STXBP6: variants seen among roughly 807,000 people sequenced by gnomAD.
STXBP6 encodes the protein syntaxin binding protein 6.
STXBP6 carries 21 observed loss-of-function variants against 26.9 expected under a neutral mutation model. That is an observed-to-expected ratio of 0.78 (90% CI 0.55 to 1.12). STXBP6 has a LOEUF of 1.12. Ranked by LOEUF, STXBP6 falls within the 50% of genes most tolerant of loss-of-function variation. STXBP6 has a pLI of 0.00. For missense variants in STXBP6, 232 were observed against 257.9 expected, an observed-to-expected ratio of 0.90 and a Z score of 0.69; for synonymous variants, 97 against 92.6, an observed-to-expected ratio of 1.05 and a Z score of -0.27.
chr14:24,814,121 G>A (rs1387719804), intron 5 of STXBP6, among the ~76,000 whole-genome samples: 3 of 152,178 alleles, frequency 2.0e-5, no homozygotes, highest in African/African-American at 4.8e-5. Flanking sequence ...GGGAAGTTCC[G>A]AATGTGCCCA....
At chr14:24,850,993 T>C (rs1234231558) in intron 4 of STXBP6, among the ~76,000 whole-genome samples, 1 of 152,168 alleles carries the variant, frequency 6.6e-6, no homozygotes, top group Non-Finnish European at 1.5e-5. Context: ...GGTTCTAATA[T>C]AGAAATTGCC....
At chr14:24,960,965 T>C (rs2073516749) in intron 2 of STXBP6, among the ~76,000 whole-genome samples, 1 of 152,234 alleles carries the variant, frequency 6.6e-6, no homozygotes, top group South Asian at 2.1e-4. Context: ...TGCCTGACTG[T>C]AGTGATTCTG....
intron 2 of STXBP6, among the ~76,000 whole-genome samples, chr14:24,959,318 G>T (rs1008861852): frequency 1.4e-4 from 22 of 152,126 alleles, no homozygotes; most frequent in Non-Finnish European, 2.8e-4. Flanking sequence ...CAAGCATGGT[G>T]GTTTGCAAAG....
intron 1 of STXBP6, among the ~76,000 whole-genome samples, chr14:25,000,865 C>A (rs2074744485): frequency 6.6e-6 from 1 of 151,246 alleles, no homozygotes; most frequent in East Asian, 2.0e-4. Context: ...TAGATCTTAC[C>A]CTTTTTGTCC....
At chr14:24,948,827 C>T (rs2073075070) in intron 2 of STXBP6, among the ~76,000 whole-genome samples, 1 of 152,170 alleles carries the variant, frequency 6.6e-6, no homozygotes, top group South Asian at 2.1e-4. Context: ...AATAAAGACA[C>T]AATTAGTGTG....
intron 2 of STXBP6, among the ~76,000 whole-genome samples, chr14:24,925,059 A>T (rs953383790): frequency 2.0e-5 from 3 of 152,196 alleles, no homozygotes; most frequent in African/African-American, 7.2e-5. Flanking sequence ...CAATTTGATA[A>T]ACTACTCAGT....
At chr14:24,814,696 TGTTGAAACCTAA>T in intron 5 of STXBP6, among the ~76,000 whole-genome samples, 3 of 152,226 alleles carry the variant, frequency 2.0e-5, no homozygotes, top group Non-Finnish European at 4.4e-5. Context: ...AGAATTCTTA[TGTTGAAACCTAA>T]CCCCCAAGGT....
rs573309329 is a variant in STXBP6, at chr14:24,997,727, A to AT, written c.-32-22878dup. ...GCTGCTGTAAATCCACCCTTCAGAG[A>AT]TAACTATTGTTAACAGCATGCCGTA... is the stretch of plus-strand genomic sequence containing the variant. On this transcript the variant is annotated intron_variant, in intron 1 of 5. Transcript: ENST00000323944. Among the ~76,000 whole-genome samples the AT allele has an allele frequency of 7.9e-5, 12 of 152,340 alleles. No homozygotes were observed. The South Asian group carries it at 2.5e-3, about 32-fold the overall frequency.
At chr14:24,893,765 C>T (rs1304019912) in intron 2 of STXBP6, among the ~76,000 whole-genome samples, 1 of 152,018 alleles carries the variant, frequency 6.6e-6, no homozygotes, top group East Asian at 1.9e-4. Context: ...CCAGAAATTC[C>T]CAAATTAGAA....
intron 2 of STXBP6, among the ~76,000 whole-genome samples, chr14:24,952,105 G>A (rs2073188623): frequency 6.6e-6 from 1 of 151,458 alleles, no homozygotes; most frequent in South Asian, 2.1e-4. Flanking sequence ...GAGAGGCAGT[G>A]GATGGGAAAT....
intron 2 of STXBP6, among the ~76,000 whole-genome samples, chr14:24,913,018 T>C (rs1035019414): frequency 6.6e-6 from 1 of 152,198 alleles, no homozygotes; most frequent in Non-Finnish European, 1.5e-5. Context: ...TCCTGAGTTA[T>C]GAGCCCAATC....
chr14:24,965,352 T>TTTTTTTTTTTTTTTTTG (rs2073700580), intron 2 of STXBP6, among the ~76,000 whole-genome samples: 1 of 151,728 alleles, frequency 6.6e-6, no homozygotes, highest in African/African-American at 2.4e-5. Flanking sequence ...GCTGTTGTCT[T>TTTTTTTTTTTTTTTTTG]ATAAATGTCT....
intron 1 of STXBP6, among the ~76,000 whole-genome samples, chr14:25,002,619 A>G (rs1268887765): frequency 6.6e-6 from 1 of 151,964 alleles, no homozygotes; most frequent in Non-Finnish European, 1.5e-5. Context: ...TCGGCCTCTC[A>G]AAGTGCTGGG....
At position 24,827,498 on chromosome 14, in the gene STXBP6, C is replaced by T. The variant is rs552677327; in HGVS notation, c.452-8304G>A. 7.2e-5 allele frequency among the ~76,000 whole-genome samples: 11 copies of T among 152,216 alleles called. No homozygotes were observed. In the South Asian group the frequency reaches 2.3e-3, roughly 32 times the overall value. On this transcript the variant is annotated intron_variant, in intron 4 of 5. Coordinates refer to ENST00000323944, the MANE Select transcript of STXBP6 (RefSeq NM_001394410.1). ...TTCATTGTGTCAATTAATGGCTCTT[C>T]TGTTCACCTACTCTTCTACTCTCAA... is the stretch of plus-strand genomic sequence containing the variant.
chr14:24,881,268 T>C (rs1005003407), intron 2 of STXBP6, among the ~76,000 whole-genome samples: 2 of 152,210 alleles, frequency 1.3e-5, no homozygotes, highest in African/African-American at 4.8e-5. Context: ...ACTTCCTGAA[T>C]CTTCTCTTTC....
chr14:24,812,771 A>C (rs2067859223), intron 5 of STXBP6, 39 bp from the exon 6 acceptor site: 1 of 1,602,620 alleles, frequency 6.2e-7, no homozygotes. Flanking sequence ...AGACTTTATT[A>C]GCAGGTATTA....
rs79401938 is a variant in STXBP6 at position 25,017,613 on chromosome 14, G to T, written c.-33+32265C>A. 4.1e-3 allele frequency among the ~76,000 whole-genome samples: 623 copies of T among 152,322 alleles called. 14 individuals are homozygous for T. In the East Asian group the frequency reaches 0.042, roughly 10 times the overall value. On this transcript the variant is annotated intron_variant, in intron 1 of 5. Coordinates refer to ENST00000323944, the MANE Select transcript of STXBP6 (RefSeq NM_001394410.1). ...GACTCCAGGGGAACCTACAAGTTGTGGTCATTTGATTAAGGGTGGCCTTGG... is the reference window on the plus strand; with the variant it reads ...GACTCCAGGGGAACCTACAAGTTGTTGTCATTTGATTAAGGGTGGCCTTGG...
At chr14:24,924,046 C>A (rs115164768) in intron 2 of STXBP6, among the ~76,000 whole-genome samples, 3,314 of 151,682 alleles carry the variant, frequency 0.022, 124 homozygotes, top group African/African-American at 0.076. Flanking sequence ...TAAAGTTTTT[C>A]TTTTTTACAT....
intron 1 of STXBP6, among the ~76,000 whole-genome samples, chr14:25,025,623 G>A (rs541629756): frequency 6.6e-6 from 1 of 152,268 alleles, no homozygotes; most frequent in Non-Finnish European, 1.5e-5. Context: ...TTCTGAGCCT[G>A]TTTCCTTACT....
Sources: gnomAD v4.1 joint callset for allele counts (sites outside exome capture counted in the v4.1 genomes callset) on GRCh38, gnomAD v4.1.1 for gene constraint, MANE v1.5 for transcripts, NCBI Gene and HGNC (gene_info 2026-07-23, HGNC 2026-07-21) for gene names.